Variants in MARCO observed in about 807,000 individuals in gnomAD.
MARCO encodes the protein macrophage receptor with collagenous structure.
In MARCO, 72 loss-of-function variants were observed where a neutral mutation model predicts 70.0. That is an observed-to-expected ratio of 1.03 (90% CI 0.85 to 1.25). MARCO has a LOEUF of 1.25. MARCO is among the 50% of genes most tolerant of loss of function. MARCO has a pLI of 0.00. For synonymous variants in MARCO, 273 were observed against 243.1 expected, an observed-to-expected ratio of 1.12 and a Z score of -1.14; for missense variants, 696 against 659.3, an observed-to-expected ratio of 1.06 and a Z score of -0.61.
intron 12 of MARCO, among the ~76,000 whole-genome samples, chr2:118,986,652 A>AGAAAGAAAGAAAGAAG (rs1558671615): frequency 1.5e-3 from 72 of 48,380 alleles, no homozygotes; most frequent in Middle Eastern, 0.016. Context: ...AAAGAAAGAA[A>AGAAAGAAAGAAAGAAG]GAAGGAAGGA....
chr2:118,963,219 A>G (rs1024544642), intron 1 of MARCO, among the ~76,000 whole-genome samples: 8 of 151,650 alleles, frequency 5.3e-5, no homozygotes, highest in Non-Finnish European at 1.0e-4. Context: ...TTTTTGGTGT[A>G]AGCAGTTCGT....
intron 3 of MARCO, among the ~76,000 whole-genome samples, chr2:118,971,121 C>A (rs777859141): frequency 2.0e-5 from 3 of 152,124 alleles, no homozygotes; most frequent in Non-Finnish European, 2.9e-5. Context: ...GGAAGGAGTC[C>A]ACGTTCAGAC....
chr2:118,968,693 A>T (rs1680102884), intron 1 of MARCO, among the ~76,000 whole-genome samples: 1 of 152,248 alleles, frequency 6.6e-6, no homozygotes, highest in Non-Finnish European at 1.5e-5. Flanking sequence ...AGACCTAGAC[A>T]TGAATTCCAG....
chr2:118,964,675 G>A (rs1252997122), intron 1 of MARCO, among the ~76,000 whole-genome samples: 5 of 151,962 alleles, frequency 3.3e-5, no homozygotes, highest in Admixed American at 2.0e-4. Context: ...ATCTCTTGAG[G>A]TCAGGAATTC....
Position 118,961,616 on chromosome 2 carries a change from A to G in MARCO, c.98-7544A>G, listed in dbSNP as rs116356942. 0.012 allele frequency among the ~76,000 whole-genome samples: 1,894 copies of G among 152,246 alleles called. 95 individuals are homozygous for G. In the South Asian group the frequency reaches 0.13, roughly 10 times the overall value. On this transcript the variant is annotated intron_variant, in intron 1 of 16. Coordinates refer to ENST00000327097, the MANE Select transcript of MARCO (RefSeq NM_006770.4). Reference sequence around the variant, plus strand: ...AAGTTCCTTGCAGATTCTGAATATTAGACCTTTGTCAGATGGATAGATCGC... The same window carrying G: ...AAGTTCCTTGCAGATTCTGAATATTGGACCTTTGTCAGATGGATAGATCGC...
chr2:118,963,051 G>T (rs1213990592), intron 1 of MARCO, among the ~76,000 whole-genome samples: 1 of 151,494 alleles, frequency 6.6e-6, no homozygotes, highest in Non-Finnish European at 1.5e-5. Context: ...CAAAGAGCTA[G>T]CTTTTGTTTC....
At chr2:118,963,226 T>C (rs1679982056) in intron 1 of MARCO, among the ~76,000 whole-genome samples, 1 of 151,790 alleles carries the variant, frequency 6.6e-6, no homozygotes, top group Non-Finnish European at 1.5e-5. Flanking sequence ...TGTAAGCAGT[T>C]CGTGCTATAA....
intron 2 of MARCO, 37 bp from the exon 3 acceptor site, chr2:118,970,077 C>T (rs1680132244): frequency 6.5e-7 from 1 of 1,540,310 alleles, no homozygotes; most frequent in East Asian, 2.3e-5. Flanking sequence ...GCTCAAATGC[C>T]TCAGTCCCTA....
At chr2:118,942,442 C>G (rs1679522302) in intron 1 of MARCO, 45 bp downstream of exon 1, 1 of 1,438,066 alleles carries the variant, frequency 7.0e-7, no homozygotes, top group Non-Finnish European at 9.8e-7. Flanking sequence ...GAAATGTAGT[C>G]TTTCTGCTAG....
intron 12 of MARCO, 90 bp downstream of exon 12, chr2:118,982,500 G>C (rs1457521160): frequency 4.1e-6 from 5 of 1,232,044 alleles, no homozygotes; most frequent in Non-Finnish European, 6.0e-6. Flanking sequence ...GCCCACGGAG[G>C]AGGCAGAGGG....
At chr2:118,989,371 A>G (rs761441374) in intron 12 of MARCO, among the ~76,000 whole-genome samples, 14 of 152,176 alleles carry the variant, frequency 9.2e-5, no homozygotes, top group Non-Finnish European at 1.5e-4. Flanking sequence ...TAACACGAGG[A>G]ACAGAAGTAG....
intron 1 of MARCO, among the ~76,000 whole-genome samples, chr2:118,947,890 G>GTTACACCT (rs1322609619): frequency 1.3e-5 from 2 of 152,096 alleles, no homozygotes; most frequent in Non-Finnish European, 2.9e-5. Context: ...CTGAAATTTT[G>GTTACACCT]ATAGGCATTG....
Position 118,991,802 on chromosome 2 carries a change from G to C in MARCO, c.1134G>C (p.Gln378His). ...GCCCTGCAGGTGTGAAGGGAGAACA[G>C]GGGAGCCCAGGGCTGGCAGGTCCCA... ...VPGPAGVKGE[Q>H]GSPGLAGPKG... Residue 378 changes from glutamine to histidine, a missense_variant, in exon 14 of 17, where the codon CAG (glutamine) becomes CAC (histidine). Coordinates refer to ENST00000327097, the MANE Select transcript of MARCO (RefSeq NM_006770.4). 6.3e-7 allele frequency: 1 copy of C among 1,595,526 alleles called. No homozygotes were observed.
chr2:118,984,034 T>G (rs902949651), intron 12 of MARCO, among the ~76,000 whole-genome samples: 10 of 152,164 alleles, frequency 6.6e-5, no homozygotes, highest in Admixed American at 6.5e-4. Context: ...GGACAAGCAC[T>G]CTTTGTAGCA....
intron 3 of MARCO, 108 bp from the exon 4 acceptor site, chr2:118,971,391 C>A: frequency 9.4e-7 from 1 of 1,059,784 alleles, no homozygotes; most frequent in Non-Finnish European, 1.5e-6. Context: ...ATGGGAGCCC[C>A]ACACAGGAGG....
At chr2:118,969,466 G>A (rs1458587092) in intron 2 of MARCO, among the ~76,000 whole-genome samples, 1 of 152,138 alleles carries the variant, frequency 6.6e-6, no homozygotes, top group Non-Finnish European at 1.5e-5. Context: ...CTGAGGGAGG[G>A]AGAGAGAGAG....
chr2:118,955,977 C>A (rs1309345776), intron 1 of MARCO, among the ~76,000 whole-genome samples: 3 of 150,138 alleles, frequency 2.0e-5, no homozygotes, highest in Non-Finnish European at 3.0e-5. Flanking sequence ...CTGTTTAAAT[C>A]TTGAAACAAA....
At chr2:118,955,298 T>C (rs1030103889) in intron 1 of MARCO, among the ~76,000 whole-genome samples, 7 of 152,004 alleles carry the variant, frequency 4.6e-5, no homozygotes, top group Non-Finnish European at 7.4e-5. Context: ...CTTTTAGAGA[T>C]GTGAAATGCT....
intron 6 of MARCO, among the ~76,000 whole-genome samples, chr2:118,975,157 G>A (rs1448354757): frequency 6.6e-5 from 10 of 152,060 alleles, no homozygotes; most frequent in East Asian, 1.9e-4. Flanking sequence ...ATGGGTTCAC[G>A]GGGCCCGGTC....
Sources: gnomAD v4.1 joint callset for allele counts (sites outside exome capture counted in the v4.1 genomes callset) on GRCh38, gnomAD v4.1.1 for gene constraint, MANE v1.5 for transcripts, NCBI Gene and HGNC (gene_info 2026-07-23, HGNC 2026-07-21) for gene names.